Variants in SEMA3D observed in about 807,000 individuals in gnomAD.
The protein encoded by SEMA3D is semaphorin-3D.
SEMA3D carries 84 observed loss-of-function variants against 100.1 expected under a neutral mutation model. The ratio of observed to expected loss-of-function variants is 0.84; its 90% CI spans 0.70 to 1.01. The LOEUF (loss-of-function observed/expected upper bound fraction) is 1.01, where lower values mean the gene tolerates loss of function less well. Among genes scored for constraint, SEMA3D ranks in the 50% least tolerant of loss-of-function variants. The pLI, the probability that SEMA3D is intolerant of heterozygous loss-of-function variation, is 0.00. For synonymous variants in SEMA3D, 312 were observed against 320.7 expected (o/e 0.97, Z 0.29); for missense variants, 875 against 934.1 (o/e 0.94, Z 0.82).
chr7:85,155,472 C>T (rs1272132234), intron 1 of SEMA3D, among the ~76,000 whole-genome samples: 1 of 152,078 alleles, frequency 6.6e-6, no homozygotes, highest in Non-Finnish European at 1.5e-5. Context: ...ACATATTAAA[C>T]CCCTTATAAC....
chr7:85,077,839 T>C (rs1787924103), intron 5 of SEMA3D, among the ~76,000 whole-genome samples: 1 of 152,152 alleles, frequency 6.6e-6, no homozygotes, highest in South Asian at 2.1e-4. Context: ...CCTTAACTAG[T>C]AAAAGTCTAC....
the SEMA3D span, among the ~76,000 whole-genome samples, chr7:85,192,462 T>C: frequency 3.9e-5 from 6 of 152,112 alleles, no homozygotes; most frequent in African/African-American, 1.2e-4. Flanking sequence ...GTTCATTAAG[T>C]GAGCTAGTAG....
intron 17 of SEMA3D, among the ~76,000 whole-genome samples, chr7:85,007,843 A>G (rs1464116455): frequency 6.6e-6 from 1 of 151,878 alleles, no homozygotes; most frequent in African/African-American, 2.4e-5. Flanking sequence ...TAAGGGACCA[A>G]GTGAATCCTA....
At chr7:85,076,645 T>C (rs1346903940) in intron 5 of SEMA3D, among the ~76,000 whole-genome samples, 1 of 152,194 alleles carries the variant, frequency 6.6e-6, no homozygotes, top group East Asian at 1.9e-4. Flanking sequence ...GATTTTGGAA[T>C]CTTAACTGGT....
chr7:85,176,582 A>G (rs1371335152), intron 1 of SEMA3D, among the ~76,000 whole-genome samples: 1 of 152,114 alleles, frequency 6.6e-6, no homozygotes, highest in East Asian at 1.9e-4. Flanking sequence ...AAGTATAAAT[A>G]TAAGGTAAAA....
intron 1 of SEMA3D, among the ~76,000 whole-genome samples, chr7:85,164,418 G>A (rs1159657448): frequency 2.0e-5 from 3 of 152,010 alleles, no homozygotes; most frequent in Non-Finnish European, 4.4e-5. Flanking sequence ...TAAGCAGATA[G>A]AGAGCATTTT....
chr7:85,073,146 GC>G, intron 5 of SEMA3D, 65 bp from the exon 6 acceptor site: 1 of 1,438,944 alleles, frequency 6.9e-7, no homozygotes, highest in Non-Finnish European at 9.6e-7. Flanking sequence ...TATCATTTAT[GC>G]CACCTGTTTT....
intron 3 of SEMA3D, among the ~76,000 whole-genome samples, chr7:85,110,713 A>C (rs1262077956): frequency 1.3e-5 from 2 of 152,184 alleles, no homozygotes; most frequent in African/African-American, 4.8e-5. Context: ...ATTACCAATT[A>C]TTCTTCTTCT....
intron 2 of SEMA3D, among the ~76,000 whole-genome samples, chr7:85,152,984 T>C (rs1790471345): frequency 6.6e-6 from 1 of 152,136 alleles, no homozygotes; most frequent in African/African-American, 2.4e-5. Context: ...GGTAAATAAC[T>C]ATTTGCAGAT....
upstream of SEMA3D, among the ~76,000 whole-genome samples, chr7:85,190,585 C>T (rs1244963312): frequency 2.0e-5 from 3 of 152,018 alleles, no homozygotes; most frequent in African/African-American, 4.8e-5. Context: ...GCAATACACT[C>T]ATCACTGGAT....
chr7:85,225,546 A>C, the SEMA3D span, among the ~76,000 whole-genome samples: 1 of 152,214 alleles, frequency 6.6e-6, no homozygotes, highest in African/African-American at 2.4e-5. Flanking sequence ...AATCATACTT[A>C]ACCAGATTGA....
chr7:85,166,082 A>T (rs1790896808), intron 1 of SEMA3D, among the ~76,000 whole-genome samples: 1 of 152,058 alleles, frequency 6.6e-6, no homozygotes, highest in Non-Finnish European at 1.5e-5. Context: ...TTTAATAATC[A>T]TGAGAATCTA....
chr7:85,048,813 G>C (rs1791079216), intron 9 of SEMA3D, among the ~76,000 whole-genome samples: 1 of 151,852 alleles, frequency 6.6e-6, no homozygotes, highest in African/African-American at 2.4e-5. Context: ...ACTCCGGTAA[G>C]TTAAGTTGTA....
chr7:85,057,645 T>A (rs985258190), intron 8 of SEMA3D, among the ~76,000 whole-genome samples: 5 of 152,056 alleles, frequency 3.3e-5, no homozygotes, highest in African/African-American at 4.8e-5. Flanking sequence ...GACAAGTTAA[T>A]GTTGGGGCTG....
intron 4 of SEMA3D, among the ~76,000 whole-genome samples, chr7:85,083,688 CAA>C (rs545194586): frequency 1.3e-5 from 2 of 148,700 alleles, no homozygotes; most frequent in African/African-American, 5.0e-5. Context: ...ACTAAAAATA[CAA>C]AAAAAAATTA....
intron 3 of SEMA3D, among the ~76,000 whole-genome samples, chr7:85,113,499 G>A (rs2116373165): frequency 6.6e-6 from 1 of 151,794 alleles, no homozygotes; most frequent in South Asian, 2.1e-4. Flanking sequence ...TGGGCCGGGC[G>A]CGGTGGTTCA....
At chr7:85,203,770 G>A in the SEMA3D span, among the ~76,000 whole-genome samples, 1 of 151,946 alleles carries the variant, frequency 6.6e-6, no homozygotes, top group African/African-American at 2.4e-5. Flanking sequence ...TGACAAAGAA[G>A]CAAGGACTTT....
At chr7:85,227,469 C>G in the SEMA3D span, among the ~76,000 whole-genome samples, 1 of 152,070 alleles carries the variant, frequency 6.6e-6, no homozygotes, top group South Asian at 2.1e-4. Context: ...CATCTATGAA[C>G]CAGGAAACAG....
intron 3 of SEMA3D, among the ~76,000 whole-genome samples, chr7:85,114,774 AG>A (rs1166693282): frequency 2.0e-5 from 3 of 152,216 alleles, no homozygotes; most frequent in Admixed American, 6.5e-5. Flanking sequence ...TATAAGAATA[AG>A]GGCTGAGATG....
Sources: gnomAD v4.1 joint callset for allele counts (sites outside exome capture counted in the v4.1 genomes callset) on GRCh38, gnomAD v4.1.1 for gene constraint, MANE v1.5 for transcripts, NCBI Gene and HGNC (gene_info 2026-07-23, HGNC 2026-07-21) for gene names.